The following RBFOX1 variants were observed in gnomAD, a reference collection of about 807,000 sequenced individuals.
RBFOX1 encodes RNA binding protein fox-1 homolog 1.
Under a neutral mutation model 57.7 loss-of-function variants are expected in RBFOX1, and 8 were observed. That is an observed-to-expected ratio of 0.14 (90% confidence interval 0.08 to 0.25). The LOEUF (loss-of-function observed/expected upper bound fraction) is 0.25, where lower values mean the gene tolerates loss of function less well. Ranked by LOEUF, RBFOX1 falls within the 10% of genes least tolerant of loss-of-function variation. The pLI, the probability that RBFOX1 is intolerant of heterozygous loss-of-function variation, is 1.00. For missense variants in RBFOX1, 611 were observed against 548.5 expected (o/e 1.11, Z -1.14); for synonymous variants, 326 against 222.4 (o/e 1.47, Z -4.15).
chr16:7,416,754 G>A (rs1196939353), intron 4 of RBFOX1, among the ~76,000 whole-genome samples: 3 of 152,006 alleles, frequency 2.0e-5, no homozygotes, highest in African/African-American at 7.2e-5. Flanking sequence ...ACATATATGT[G>A]GACACTAGTT....
At chr16:7,639,633 C>A (rs968425438) in intron 11 of RBFOX1, among the ~76,000 whole-genome samples, 6 of 152,064 alleles carry the variant, frequency 3.9e-5, no homozygotes, top group African/African-American at 1.4e-4. Context: ...GAATTTCAAA[C>A]GCAGTGCTCC....
chr16:6,423,432 C>G (rs982269629), intron 2 of RBFOX1, among the ~76,000 whole-genome samples: 3 of 151,976 alleles, frequency 2.0e-5, no homozygotes, highest in African/African-American at 7.3e-5. Flanking sequence ...GACCCCGTCT[C>G]TACTAAAAAT....
intron 9 of RBFOX1, among the ~76,000 whole-genome samples, chr16:7,604,201 A>G (rs1490347974): frequency 6.6e-6 from 1 of 152,158 alleles, no homozygotes; most frequent in African/African-American, 2.4e-5. Context: ...AACAGGTTTC[A>G]TGAGTGGGGG....
chr16:7,550,491 G>A (rs2086013739), intron 5 of RBFOX1, among the ~76,000 whole-genome samples: 1 of 152,052 alleles, frequency 6.6e-6, no homozygotes, highest in South Asian at 2.1e-4. Flanking sequence ...GAGGAGCCTG[G>A]GGGCACTGTA....
rs546827693 is a variant in RBFOX1, at chr16:7,219,183, A to G, written c.27+167085A>G. Among the ~76,000 whole-genome samples the G allele has an allele frequency of 3.3e-5, 5 of 152,324 alleles. No individual in the cohort carries two copies. The South Asian group carries it at 8.3e-4, about 25-fold the overall frequency. ...TCACCCCCATGAAAATGGAAGTTTC[A>G]TACACATTGACATAATTAATGAAGA... is the stretch of plus-strand genomic sequence containing the variant. On this transcript the variant is annotated intron_variant, in intron 4 of 15. Transcript: ENST00000550418.
chr16:7,111,661 C>A (rs2064802045), intron 4 of RBFOX1, among the ~76,000 whole-genome samples: 1 of 152,180 alleles, frequency 6.6e-6, no homozygotes, highest in East Asian at 1.9e-4. Flanking sequence ...TGAAATGGCT[C>A]ATACCTGTGC....
At chr16:6,084,017 T>A (rs183317695) in intron 1 of RBFOX1, among the ~76,000 whole-genome samples, 47 of 152,306 alleles carry the variant, frequency 3.1e-4, no homozygotes, top group African/African-American at 1.1e-3. Context: ...GAAAATTTAG[T>A]AGAGTATAAC....
intron 1 of RBFOX1, among the ~76,000 whole-genome samples, chr16:5,390,300 T>G (rs1031637660): frequency 6.7e-6 from 1 of 150,296 alleles, no homozygotes; most frequent in African/African-American, 2.4e-5. Context: ...TCTTTTTTTT[T>G]TTTTTTTAAA....
chr16:5,418,725 A>G (rs2067228964), intron 1 of RBFOX1, among the ~76,000 whole-genome samples: 1 of 151,380 alleles, frequency 6.6e-6, no homozygotes, highest in Non-Finnish European at 1.5e-5. Context: ...ATGTTCCTTC[A>G]TCCTTTATTT....
chr16:6,101,452 G>C (rs900888861), intron 1 of RBFOX1, among the ~76,000 whole-genome samples: 1 of 151,994 alleles, frequency 6.6e-6, no homozygotes, highest in Admixed American at 6.6e-5. Flanking sequence ...TGATGGTTTT[G>C]TATCTTCTAC....
chr16:6,243,175 C>T (rs1194300142), intron 1 of RBFOX1, among the ~76,000 whole-genome samples: 3 of 140,846 alleles, frequency 2.1e-5, no homozygotes, highest in Admixed American at 1.5e-4. Context: ...TGTTTATGTA[C>T]AGTTTCCTCT....
At chr16:6,393,490 A>G (rs981366188) in intron 2 of RBFOX1, among the ~76,000 whole-genome samples, 5 of 152,182 alleles carry the variant, frequency 3.3e-5, no homozygotes, top group African/African-American at 1.2e-4. Context: ...TGATCCATGC[A>G]TGGAACAGGA....
chr16:5,303,203 C>T (rs2063847022), intron 1 of RBFOX1, among the ~76,000 whole-genome samples: 1 of 152,194 alleles, frequency 6.6e-6, no homozygotes, highest in South Asian at 2.1e-4. Flanking sequence ...GTGGATGCCT[C>T]ACTGGTTTTA....
At chr16:5,276,733 T>C (rs1292258202) in intron 1 of RBFOX1, among the ~76,000 whole-genome samples, 1 of 152,102 alleles carries the variant, frequency 6.6e-6, no homozygotes, top group Non-Finnish European at 1.5e-5. Flanking sequence ...AGTGAGCTGA[T>C]ATACTCCAGC....
intron 2 of RBFOX1, among the ~76,000 whole-genome samples, chr16:6,366,806 A>G (rs1445884632): frequency 6.6e-6 from 1 of 152,192 alleles, no homozygotes; most frequent in Non-Finnish European, 1.5e-5. Context: ...ATTAGGCACC[A>G]GTGTCTTTTG....
At chr16:5,723,296 T>G (rs1429316729) in intron 3 of RBFOX1, among the ~76,000 whole-genome samples, 2 of 152,194 alleles carry the variant, frequency 1.3e-5, no homozygotes, top group Non-Finnish European at 2.9e-5. Context: ...TCGTCTGCCA[T>G]TGGAGAAGCT....
At chr16:7,674,604 C>T (rs762450710) in intron 13 of RBFOX1, among the ~76,000 whole-genome samples, 4 of 152,162 alleles carry the variant, frequency 2.6e-5, no homozygotes, top group Non-Finnish European at 4.4e-5. Context: ...AGAATATTGA[C>T]GACTTGTGCC....
chr16:6,893,498 C>T (rs1388908448), intron 3 of RBFOX1, among the ~76,000 whole-genome samples: 2 of 152,150 alleles, frequency 1.3e-5, no homozygotes, highest in Admixed American at 6.5e-5. Context: ...TTGTCAGTAT[C>T]AACAGCTGGG....
At chr16:6,524,937 T>C (rs1430333672) in intron 2 of RBFOX1, among the ~76,000 whole-genome samples, 1 of 152,162 alleles carries the variant, frequency 6.6e-6, no homozygotes, top group Admixed American at 6.5e-5. Flanking sequence ...TCTTAACTAA[T>C]TATATCGGCA....
Sources: allele counts gnomAD v4.1 joint callset (sites outside exome capture counted in the v4.1 genomes callset), GRCh38; gene constraint gnomAD v4.1.1; transcripts MANE v1.5; gene names NCBI Gene and HGNC (gene_info 2026-07-23, HGNC 2026-07-21).